ADRA1A: variants seen among roughly 807,000 people sequenced by gnomAD.
ADRA1A encodes the protein alpha-1A adrenergic receptor.
Under a neutral mutation model 29.6 loss-of-function variants are expected in ADRA1A, and 31 were observed. That is an observed-to-expected ratio of 1.05 (90% CI 0.79 to 1.41). ADRA1A has a LOEUF of 1.41. Among genes scored for constraint, ADRA1A ranks in the 40% most tolerant of loss-of-function variants. The pLI is 0.00. For missense variants in ADRA1A, 619 were observed against 601.1 expected, an observed-to-expected ratio of 1.03 and a Z score of -0.31; for synonymous variants, 311 against 254.3, an observed-to-expected ratio of 1.22 and a Z score of -2.12.
chr8:26,756,419 G>A (rs868792110), exon 3 of ADRA1A: 2 of 1,359,648 alleles, frequency 1.5e-6, no homozygotes, highest in African/African-American at 2.9e-5. Context: ...CGTGGCTGAT[G>A]ATTCTCAATT....
At chr8:26,753,101 G>A (rs1804992276), downstream of ADRA1A, among the ~76,000 whole-genome samples, 1 of 152,202 alleles carries the variant, frequency 6.6e-6, no homozygotes, top group South Asian at 2.1e-4. Context: ...CACTGAGGGA[G>A]TGGGGCCGAA....
Position 26,750,681 on chromosome 8 carries a change from T to C in ADRA1A, c.1270-1933A>G, listed in dbSNP as rs562758488. ...ATTCCTCAAACCTGGATATTTTAGA[T>C]ACAAGCAAGTTGGGTATAGGAAACC... On this transcript the variant is annotated intron_variant, in intron 2 of 2. Coordinates refer to the ADRA1A transcript ENST00000380586. 4.6e-5 allele frequency among the ~76,000 whole-genome samples: 7 copies of C among 152,354 alleles called. No homozygotes were observed. The East Asian group carries it at 1.2e-3, about 25-fold the overall frequency.
intron 2 of ADRA1A, among the ~76,000 whole-genome samples, chr8:26,791,948 T>C (rs1163950900): frequency 2.0e-5 from 3 of 152,194 alleles, no homozygotes; most frequent in Non-Finnish European, 4.4e-5. Context: ...GCCCACTGTA[T>C]TTCTTTAATG....
intron 2 of ADRA1A, among the ~76,000 whole-genome samples, chr8:26,822,212 G>A (rs918817123): frequency 6.6e-6 from 1 of 152,190 alleles, no homozygotes; most frequent in Non-Finnish European, 1.5e-5. Flanking sequence ...GAAAACTGTG[G>A]AGCCAAACCA....
At chr8:26,751,304 A>G (rs1349886963) in intron 2 of ADRA1A, among the ~76,000 whole-genome samples, 1 of 152,142 alleles carries the variant, frequency 6.6e-6, no homozygotes, top group South Asian at 2.1e-4. Context: ...GAGTACGAAA[A>G]AAGTATTTTT....
Position 26,857,134 on chromosome 8 carries a change from G to A in ADRA1A, c.883+6953C>T, listed in dbSNP as rs193120132. On this transcript the variant is annotated intron_variant, in intron 2 of 2. Coordinates refer to ENST00000380573, the MANE Select transcript of ADRA1A (RefSeq NM_000680.4). ...CCAGGTGTGAGCCTAGCTCTTCAAA[G>A]GCCTCACAGTTTCTGCCTTGACTTT... is the stretch of plus-strand genomic sequence containing the variant. 6.7e-3 allele frequency among the ~76,000 whole-genome samples: 1,023 copies of A among 152,264 alleles called. 3 individuals carry two copies. Among genetic ancestry groups the A allele is most frequent in the Admixed American group, 0.015 (234 of 15,298 alleles).
At chr8:26,811,080 T>A (rs939811742) in intron 2 of ADRA1A, among the ~76,000 whole-genome samples, 1 of 152,240 alleles carries the variant, frequency 6.6e-6, no homozygotes, top group Non-Finnish European at 1.5e-5. Flanking sequence ...CAAACATAGA[T>A]GAACCTTGGG....
rs1035201093 is a variant in ADRA1A at position 26,787,500 on chromosome 8, T to C, written c.884-16834A>G. Among the ~76,000 whole-genome samples, 1 of 152,126 alleles carries C rather than the reference T, an allele frequency of 6.6e-6. No individual in the cohort carries two copies. Among genetic ancestry groups the C allele is most frequent in the African/African-American group, 2.4e-5 (1 of 41,436 alleles). On this transcript the variant is annotated intron_variant, in intron 2 of 2. Transcript: ENST00000380573. This position sits in a 1 kb window ranked among gnomAD's most constrained non-coding sequence, Gnocchi z 4.2. ...ATCAGGTAAGATTGGTCAGAAAGTATGATCTGTTATGTATGACAAAATCTG... is the reference window on the plus strand; with the variant it reads ...ATCAGGTAAGATTGGTCAGAAAGTACGATCTGTTATGTATGACAAAATCTG...
rs115275495 is a variant in ADRA1A, at chr8:26,862,172, C to T, written c.883+1915G>A. 2.1e-3 allele frequency among the ~76,000 whole-genome samples: 321 copies of T among 152,268 alleles called. 2 individuals carry two copies. Among genetic ancestry groups the T allele is most frequent in the African/African-American group, 7.5e-3 (313 of 41,558 alleles). On this transcript the variant is annotated intron_variant, in intron 2 of 2. Coordinates refer to ENST00000380573, the MANE Select transcript of ADRA1A (RefSeq NM_000680.4). ...CTGTCTGTAGTTGAGCCATACTGGC[C>T]TCTGTGATCTTCATTGAACAGGTCA... is the stretch of plus-strand genomic sequence containing the variant.
chr8:26,753,865 A>G (rs1805033469), downstream of ADRA1A, among the ~76,000 whole-genome samples: 3 of 152,332 alleles, frequency 2.0e-5, no homozygotes, highest in South Asian at 6.2e-4. Flanking sequence ...ACATATCAAT[A>G]TTGAACAACA....
intron 2 of ADRA1A, among the ~76,000 whole-genome samples, chr8:26,824,515 A>G (rs868546865): frequency 1.3e-5 from 2 of 152,100 alleles, no homozygotes; most frequent in African/African-American, 2.4e-5. Context: ...AAAATTTAAG[A>G]GCTTAATAGA....
At chr8:26,820,488 A>G (rs1037408750) in intron 2 of ADRA1A, among the ~76,000 whole-genome samples, 1 of 152,234 alleles carries the variant, frequency 6.6e-6, no homozygotes, top group African/African-American at 2.4e-5. Flanking sequence ...TTGACTAAAC[A>G]TCATTGATCA....
chr8:26,830,082 C>T (rs1353000321), intron 2 of ADRA1A, among the ~76,000 whole-genome samples: 1 of 152,160 alleles, frequency 6.6e-6, no homozygotes, highest in Admixed American at 6.5e-5. Context: ...GGACTCCATT[C>T]TGAGATCTGT....
At chr8:26,837,820 G>C (rs1811497898) in intron 2 of ADRA1A, among the ~76,000 whole-genome samples, 1 of 152,160 alleles carries the variant, frequency 6.6e-6, no homozygotes, top group Admixed American at 6.5e-5. Context: ...TTTGGAGAAG[G>C]CTCAATGAGT....
At chr8:26,790,286 T>C (rs1223582808) in intron 2 of ADRA1A, among the ~76,000 whole-genome samples, 2 of 152,148 alleles carry the variant, frequency 1.3e-5, no homozygotes, top group African/African-American at 2.4e-5. Context: ...TAAAAAAGAA[T>C]GAAATTCTGT....
intron 2 of ADRA1A, among the ~76,000 whole-genome samples, chr8:26,780,491 G>T (rs916721635): frequency 6.6e-6 from 1 of 152,066 alleles, no homozygotes; most frequent in African/African-American, 2.4e-5. Context: ...ACTCAAACTT[G>T]AATTTGTCCA....
At chr8:26,782,071 C>T (rs574527576) in intron 2 of ADRA1A, among the ~76,000 whole-genome samples, 144 of 152,350 alleles carry the variant, frequency 9.5e-4, no homozygotes, top group African/African-American at 3.4e-3. Context: ...GCCCTTGCAT[C>T]TTCCAACAGC....
At chr8:26,833,021 G>A (rs188724582) in intron 2 of ADRA1A, among the ~76,000 whole-genome samples, 261 of 152,322 alleles carry the variant, frequency 1.7e-3, no homozygotes, top group Non-Finnish European at 2.7e-3. Context: ...ACACTGCAGC[G>A]CCCATTGCAC....
At chr8:26,824,991 T>C (rs1303487705) in intron 2 of ADRA1A, among the ~76,000 whole-genome samples, 1 of 152,120 alleles carries the variant, frequency 6.6e-6, no homozygotes, top group African/African-American at 2.4e-5. Context: ...TTTGATGGCA[T>C]CGTAGTTCTT....
Sources: gnomAD v4.1 joint callset for allele counts (sites outside exome capture counted in the v4.1 genomes callset) on GRCh38, gnomAD v4.1.1 for gene constraint, Gnocchi (gnomAD v3.1) non-coding constraint, MANE v1.5 for transcripts, NCBI Gene and HGNC (gene_info 2026-07-23, HGNC 2026-07-21) for gene names.